The following WTAP variants were observed in gnomAD, a reference collection of about 807,000 sequenced individuals.
WTAP encodes pre-mRNA-splicing regulator WTAP.
WTAP carries 8 observed loss-of-function variants against 50.0 expected under a neutral mutation model. That is an observed-to-expected ratio of 0.16 (90% CI 0.09 to 0.29). The LOEUF is 0.29. WTAP is among the 10% of genes least tolerant of loss of function. The pLI is 1.00. For synonymous variants in WTAP, 194 were observed against 169.0 expected (o/e 1.15, Z -1.15); for missense variants, 295 against 470.7 (o/e 0.63, Z 3.45).
At position 159,739,059 on chromosome 6, in the gene WTAP, T is replaced by C; in HGVS notation, c.86+14T>C. Reference sequence around the variant, plus strand: ...GTTAATTCTAAGGTAAAATGTTCTCTGTTCAAAAACAAAGTCTTTCTATAG... The same window carrying C: ...GTTAATTCTAAGGTAAAATGTTCTCCGTTCAAAAACAAAGTCTTTCTATAG... On this transcript the variant is annotated intron_variant, in intron 3 of 7. Coordinates refer to ENST00000621533, the MANE Select transcript of WTAP (RefSeq NM_001270531.2). 6.2e-7 allele frequency: 1 copy of C among 1,605,916 alleles called. No individual in the cohort carries two copies. The highest frequency in any genetic ancestry group is 8.5e-7 in the Non-Finnish European group (1 of 1,173,980).
chr6:159,742,493 A>G (rs1779317617), intron 4 of WTAP, among the ~76,000 whole-genome samples: 1 of 152,212 alleles, frequency 6.6e-6, no homozygotes, highest in African/African-American at 2.4e-5. Context: ...TTACTAGTCT[A>G]GAAGAGAAAT....
upstream of WTAP, chr6:159,726,817 G>C (rs767840577): frequency 3.9e-6 from 5 of 1,289,220 alleles, no homozygotes; most frequent in South Asian, 3.7e-5. Context: ...ACTGATGAGA[G>C]GGAAGGCATC....
At chr6:159,727,271 C>G, upstream of WTAP, 9 of 1,283,214 alleles carry the variant, frequency 7.0e-6, no homozygotes, top group Non-Finnish European at 9.1e-6. Flanking sequence ...TTCACCTTTC[C>G]TCTCCTGGCG....
chr6:159,727,313 C>G (rs1166364851), upstream of WTAP: 1 of 1,272,282 alleles, frequency 7.9e-7, no homozygotes, highest in South Asian at 1.3e-5. Context: ...ACTGCGGCCA[C>G]GCCTGAAAGG....
chr6:159,730,559 T>C (rs1051287575), intron 1 of WTAP, among the ~76,000 whole-genome samples: 57 of 152,250 alleles, frequency 3.7e-4, no homozygotes, highest in African/African-American at 1.4e-3. Context: ...TGTAGACAGT[T>C]GTAAATTTTG....
At chr6:159,735,364 C>T (rs1042843991) in intron 1 of WTAP, among the ~76,000 whole-genome samples, 2 of 152,208 alleles carry the variant, frequency 1.3e-5, no homozygotes, top group Non-Finnish European at 2.9e-5. Flanking sequence ...TTGTCTTGAA[C>T]TTCTGACCTC....
chr6:159,740,044 G>A (rs1316498143), intron 3 of WTAP, among the ~76,000 whole-genome samples: 1 of 151,608 alleles, frequency 6.6e-6, no homozygotes, highest in African/African-American at 2.4e-5. Flanking sequence ...ATAGAGGTGA[G>A]GTGCTGCTCA....
intron 6 of WTAP, among the ~76,000 whole-genome samples, chr6:159,750,676 C>T (rs1473055410): frequency 6.6e-6 from 1 of 152,064 alleles, no homozygotes; most frequent in African/African-American, 2.4e-5. Flanking sequence ...TGTATCTAGA[C>T]AACTACATTT....
At chr6:159,738,930 A>G in intron 2 of WTAP, 60 bp from the exon 3 acceptor site, 3 of 1,284,632 alleles carry the variant, frequency 2.3e-6, no homozygotes, top group Non-Finnish European at 3.4e-6. Context: ...CATAGGTCTC[A>G]TTATAGAACT....
intron 4 of WTAP, among the ~76,000 whole-genome samples, chr6:159,742,362 G>T (rs1779310209): frequency 6.6e-6 from 1 of 152,078 alleles, no homozygotes. Flanking sequence ...TCATGTAATG[G>T]CATGACTTAG....
intron 1 of WTAP, among the ~76,000 whole-genome samples, chr6:159,735,305 AT>A (rs2114891971): frequency 6.6e-6 from 1 of 152,166 alleles, no homozygotes; most frequent in Admixed American, 6.5e-5. Context: ...CGCCGGGCTA[AT>A]TTTTTTAATT....
chr6:159,750,141 A>G (rs1779766215), intron 6 of WTAP, among the ~76,000 whole-genome samples: 1 of 152,230 alleles, frequency 6.6e-6, no homozygotes, highest in Non-Finnish European at 1.5e-5. Context: ...GTTGGAGGGT[A>G]AGTAACCAGA....
chr6:159,728,537 C>G (rs1778368477), intron 1 of WTAP, among the ~76,000 whole-genome samples: 1 of 152,124 alleles, frequency 6.6e-6, no homozygotes, highest in African/African-American at 2.4e-5. Flanking sequence ...TCCATTGCTT[C>G]GGAAGATAAG....
intron 1 of WTAP, among the ~76,000 whole-genome samples, chr6:159,729,826 C>T (rs893945015): frequency 2.6e-5 from 4 of 152,194 alleles, no homozygotes; most frequent in African/African-American, 4.8e-5. Flanking sequence ...TGTCTTCTTA[C>T]TGAAGTTGTT....
chr6:159,742,626 C>T (rs373058703), intron 4 of WTAP, among the ~76,000 whole-genome samples: 1 of 152,104 alleles, frequency 6.6e-6, no homozygotes, highest in Non-Finnish European at 1.5e-5. Flanking sequence ...ATTTTAGTCT[C>T]ACTTTTTACT....
At chr6:159,747,133 A>G (rs1779622199) in intron 5 of WTAP, among the ~76,000 whole-genome samples, 1 of 152,206 alleles carries the variant, frequency 6.6e-6, no homozygotes, top group Admixed American at 6.5e-5. Flanking sequence ...ATCCTATTTA[A>G]GCCTTAGTAT....
At chr6:159,751,145 TAATTA>T (rs1025461086) in intron 6 of WTAP, among the ~76,000 whole-genome samples, 7 of 152,388 alleles carry the variant, frequency 4.6e-5, no homozygotes, top group African/African-American at 7.2e-5. Context: ...CAACTACTTG[TAATTA>T]AATTATTTTT....
At position 159,753,452 on chromosome 6, in the gene WTAP, C is replaced by T. The variant is rs1419208118; in HGVS notation, c.453-8C>T. Reference sequence around the variant, plus strand: ...TCATTTTGTGATGGATGGCTCTTTCCTTTGCAGCCAAACAGGGAAAAAGTT... The same window carrying T: ...TCATTTTGTGATGGATGGCTCTTTCTTTTGCAGCCAAACAGGGAAAAAGTT... On this transcript the variant is annotated splice_region_variant and splice_polypyrimidine_tract_variant and intron_variant, in intron 6 of 7. Transcript: ENST00000621533. The T allele has an allele frequency of 1.2e-6, 2 of 1,614,114 alleles. No individual in the cohort carries two copies. The highest frequency in any genetic ancestry group is 1.6e-4 in the Middle Eastern group (1 of 6,062).
rs369148848 is a variant in WTAP at position 159,736,336 on chromosome 6, T to G, written c.30+41T>G. On this transcript the variant is annotated intron_variant, in intron 2 of 7. Transcript: ENST00000621533. Reference sequence around the variant, plus strand: ...TTGGGTTTTTTTGTTTTGTTTTGGGTTTTTTGGGGGCTTTTTTAAGCACTT... The same window carrying G: ...TTGGGTTTTTTTGTTTTGTTTTGGGGTTTTTGGGGGCTTTTTTAAGCACTT... The G allele has an allele frequency of 1.5e-5, 23 of 1,507,210 alleles. No homozygotes were observed. The African/African-American group carries it at 1.7e-4, about 11-fold the overall frequency. The allele number at this position is 1,507,210 out of a possible 1,614,324, so 93.4% of individuals were successfully genotyped here. A position where few individuals can be genotyped will look rare whatever the true frequency, so the allele number is the denominator to read the frequency against.
Sources: allele counts gnomAD v4.1 joint callset (sites outside exome capture counted in the v4.1 genomes callset), GRCh38; gene constraint gnomAD v4.1.1; transcripts MANE v1.5; gene names NCBI Gene and HGNC (gene_info 2026-07-23, HGNC 2026-07-21).